The following CDIN1 variants were observed in gnomAD, a reference collection of about 807,000 sequenced individuals.
CDIN1 encodes CDAN1 interacting nuclease 1.
A neutral mutation model predicts 45.3 loss-of-function variants in CDIN1; 33 were observed. The ratio of observed to expected loss-of-function variants is 0.73; its 90% CI spans 0.55 to 0.97. CDIN1 has a LOEUF of 0.97. CDIN1 is among the 50% of genes least tolerant of loss of function. The pLI is 0.00. For missense variants in CDIN1, 303 were observed against 339.4 expected (o/e 0.89, Z 0.84); for synonymous variants, 118 against 124.4 (o/e 0.95, Z 0.34).
rs1449446598 is a variant in CDIN1, at chr15:36,591,818, A to G, written c.101+11857A>G. ...AGGAGTCCTACCCAGTGATTTGACCAAAGTTCCATATCTGGATGCAAAACT... is the reference window on the plus strand; with the variant it reads ...AGGAGTCCTACCCAGTGATTTGACCGAAGTTCCATATCTGGATGCAAAACT... On this transcript the variant is annotated intron_variant, in intron 1 of 10. Coordinates refer to ENST00000566621, the MANE Select transcript of CDIN1 (RefSeq NM_001321759.2). The G allele has an allele frequency of 2.6e-5, 4 of 152,356 alleles. No homozygotes were observed. The East Asian group carries it at 5.8e-4, about 22-fold the overall frequency. 9.4% of individuals were successfully genotyped at this position (152,356 alleles called of 1,614,324 possible).
At chr15:36,784,322 G>GT (rs2141063682) in intron 10 of CDIN1, among the ~76,000 whole-genome samples, 1 of 152,278 alleles carries the variant, frequency 6.6e-6, no homozygotes, top group East Asian at 1.9e-4. Flanking sequence ...TGGTAGCCGT[G>GT]TAAGTGGTGC....
At chr15:36,595,909 G>A (rs1374734002) in intron 1 of CDIN1, among the ~76,000 whole-genome samples, 1 of 152,192 alleles carries the variant, frequency 6.6e-6, no homozygotes, top group Non-Finnish European at 1.5e-5. Context: ...TCAGTAACTG[G>A]CCTGTCACAG....
chr15:36,809,815 G>T lies in CDIN1; in HGVS notation c.*1362G>T, dbSNP rs1352001651. 1 of 152,048 alleles carries T rather than the reference G, an allele frequency of 6.6e-6. No homozygotes were observed. Among genetic ancestry groups the T allele is most frequent in the African/African-American group, 2.4e-5 (1 of 41,386 alleles). 9.4% of individuals were successfully genotyped at this position (152,048 alleles called of 1,614,324 possible). On this transcript the variant is annotated 3_prime_UTR_variant, in exon 11 of 11. Transcript: ENST00000566621. ...CTTTGTTTATTTTCTACCAAAGAAG[G>T]TTTGTAAAAATATGCCTGCTGCTTT...
chr15:36,657,877 GT>G lies in CDIN1; in HGVS notation c.321del (p.Leu108TyrfsTer14). The G allele has an allele frequency of 6.2e-7, 1 of 1,611,856 alleles. No homozygotes were observed. Among genetic ancestry groups the G allele is most frequent in the South Asian group, 1.1e-5 (1 of 90,616 alleles). ...SLMARLILER[F>X]LQEHEETPPS... ...TAATGGCTCGGCTTATACTGGAGAGGTTTCTACAGGAACACGAGGAAACTCC... is the reference window on the plus strand; with the variant it reads ...TAATGGCTCGGCTTATACTGGAGAGGTTCTACAGGAACACGAGGAAACTCC... On this transcript the variant is annotated frameshift_variant, in exon 5 of 11. Transcript: ENST00000566621. LOFTEE classifies it high-confidence loss of function.
At chr15:36,679,972 G>A (rs1313695475) in intron 5 of CDIN1, among the ~76,000 whole-genome samples, 1 of 152,116 alleles carries the variant, frequency 6.6e-6, no homozygotes, top group Non-Finnish European at 1.5e-5. Context: ...TTGAGAAATT[G>A]TTTAAAGCAC....
chr15:36,629,634 C>A (rs1047500621), intron 1 of CDIN1, among the ~76,000 whole-genome samples: 3 of 152,134 alleles, frequency 2.0e-5, no homozygotes, highest in Admixed American at 2.0e-4. Flanking sequence ...ATATTCTAAA[C>A]CCTTTTGACA....
intron 4 of CDIN1, 104 bp from the exon 5 acceptor site, chr15:36,657,729 A>T: frequency 1.2e-6 from 1 of 844,204 alleles, no homozygotes; most frequent in Non-Finnish European, 1.9e-6. Context: ...GATGCTTGCT[A>T]TGGTTGATTA....
chr15:36,777,389 T>C (rs756633688), intron 10 of CDIN1, among the ~76,000 whole-genome samples: 121 of 151,576 alleles, frequency 8.0e-4, no homozygotes, highest in Admixed American at 2.0e-3. Context: ...AGTTACGCTT[T>C]GTTGGTTTTT....
chr15:36,798,599 A>C (rs1595614898), intron 10 of CDIN1: 1 of 152,158 alleles, frequency 6.6e-6, no homozygotes, highest in East Asian at 1.9e-4. Flanking sequence ...CCGAGGATGA[A>C]ATTCCAATAA....
intron 5 of CDIN1, among the ~76,000 whole-genome samples, chr15:36,690,906 C>A (rs2042225841): frequency 6.6e-6 from 1 of 152,140 alleles, no homozygotes; most frequent in African/African-American, 2.4e-5. Flanking sequence ...AGGTCAGGAT[C>A]TCCTACCTTG....
At chr15:36,643,002 C>T (rs779948722) in intron 1 of CDIN1, among the ~76,000 whole-genome samples, 4 of 152,002 alleles carry the variant, frequency 2.6e-5, no homozygotes, top group Non-Finnish European at 5.9e-5. Context: ...ATGTTAAGCT[C>T]GGTCAAGCCA....
In CDIN1 at chr15:36,718,311, A is replaced by G. The variant is rs143255797; in HGVS notation, c.716+8350A>G. 4.2e-3 allele frequency among the ~76,000 whole-genome samples: 638 copies of G among 152,220 alleles called. 2 individuals carry two copies. The highest frequency in any genetic ancestry group is 0.014 in the African/African-American group (599 of 41,564). On this transcript the variant is annotated intron_variant, in intron 10 of 10. Transcript: ENST00000566621. ...AGATAGTAGGTCCTCCAACTTTGTT[A>G]TTCTTTTCAAAGTTACATTTTGCTG...
At chr15:36,793,515 T>C (rs1305852569) in intron 10 of CDIN1, among the ~76,000 whole-genome samples, 1 of 152,172 alleles carries the variant, frequency 6.6e-6, no homozygotes, top group Admixed American at 6.5e-5. Flanking sequence ...ATTAGATAAA[T>C]TACTGTACAC....
chr15:36,681,212 A>G (rs1277236039), intron 5 of CDIN1, among the ~76,000 whole-genome samples: 1 of 152,192 alleles, frequency 6.6e-6, no homozygotes, highest in African/African-American at 2.4e-5. Context: ...ATTTTGTAAG[A>G]GCAGATTTTT....
intron 10 of CDIN1, among the ~76,000 whole-genome samples, chr15:36,712,104 A>G (rs913948174): frequency 2.6e-5 from 4 of 152,092 alleles, no homozygotes; most frequent in African/African-American, 9.7e-5. Flanking sequence ...GTAGCCTTTC[A>G]AGGAGGCTAT....
intron 10 of CDIN1, among the ~76,000 whole-genome samples, chr15:36,728,831 G>A (rs553852947): frequency 6.6e-5 from 10 of 152,066 alleles, no homozygotes; most frequent in Non-Finnish European, 1.2e-4. Flanking sequence ...GTGCCACCAC[G>A]TTCAGCTAAT....
In CDIN1 at chr15:36,579,929, G is replaced by A. The variant is rs758696212; in HGVS notation, c.69G>A (p.Gln23=). The change falls in exon 1 of 11, where the codon CAG becomes CAA. Residue 23 remains glutamine (Q), a synonymous_variant. Coordinates refer to ENST00000566621, the MANE Select transcript of CDIN1 (RefSeq NM_001321759.2). ...QCLVSVPPTR[Q]SLRKLKQRFP... is the part of the protein sequence containing the mutation. ...TAGTGTCTGTGCCGCCTACCAGGCA[G>A]AGCCTGAGGAAGCTGAAGCAGAGGT... 1.2e-6 allele frequency: 2 copies of A among 1,613,930 alleles called. No individual in the cohort carries two copies. The highest frequency in any genetic ancestry group is 1.3e-5 in the African/African-American group (1 of 75,074).
intron 5 of CDIN1, among the ~76,000 whole-genome samples, chr15:36,687,247 C>T (rs1281218253): frequency 6.6e-6 from 1 of 152,004 alleles, no homozygotes; most frequent in Non-Finnish European, 1.5e-5. Context: ...GTTAAATTCA[C>T]ATTTTTAAAA....
chr15:36,775,477 G>A (rs922369596), intron 10 of CDIN1, among the ~76,000 whole-genome samples: 3 of 152,204 alleles, frequency 2.0e-5, no homozygotes, highest in African/African-American at 4.8e-5. Context: ...GATCTTACCC[G>A]TGTGGAAACC....
Sources: allele counts gnomAD v4.1 joint callset (sites outside exome capture counted in the v4.1 genomes callset), GRCh38; gene constraint gnomAD v4.1.1; transcripts MANE v1.5; gene names NCBI Gene and HGNC (gene_info 2026-07-23, HGNC 2026-07-21).